The following DNAJC6 variants were observed in gnomAD, a reference collection of about 807,000 sequenced individuals.
DNAJC6 encodes the protein auxilin.
Under a neutral mutation model 110.0 loss-of-function variants are expected in DNAJC6, and 34 were observed. That is an observed-to-expected ratio of 0.31 (90% CI 0.24 to 0.41). DNAJC6 has a LOEUF of 0.41. Ranked by LOEUF, DNAJC6 falls within the 10% of genes least tolerant of loss-of-function variation. The pLI, the probability that DNAJC6 is intolerant of heterozygous loss-of-function variation, is 1.00. For synonymous variants in DNAJC6, 406 were observed against 437.2 expected (o/e 0.93, Z 0.89); for missense variants, 1,031 against 1,207.8 (o/e 0.85, Z 2.17).
intron 1 of DNAJC6, among the ~76,000 whole-genome samples, chr1:65,327,345 G>A (rs560547878): frequency 8.5e-5 from 13 of 152,178 alleles, no homozygotes; most frequent in East Asian, 3.9e-4. Context: ...ATAGTTACAC[G>A]GCTTCCCCAA....
chr1:65,411,576 T>C (rs1646129077), intron 18 of DNAJC6, 150 bp downstream of exon 18: 2 of 731,914 alleles, frequency 2.7e-6, no homozygotes, highest in South Asian at 4.5e-5. Flanking sequence ...AAACAAATAG[T>C]TATACTTTAT....
chr1:65,306,413 A>G (rs1282880896), upstream of DNAJC6: 1 of 152,162 alleles, frequency 6.6e-6, no homozygotes, highest in Non-Finnish European at 1.5e-5. Flanking sequence ...AAAATCCTAC[A>G]TAGGTCATGG....
At chr1:65,395,657 T>C (rs7556443) in intron 13 of DNAJC6, among the ~76,000 whole-genome samples, 27,277 of 152,074 alleles carry the variant, frequency 0.18, 5,446 homozygotes, top group East Asian at 0.58. Flanking sequence ...ATTAACATAA[T>C]ATATTGAACA....
At chr1:65,280,569 C>T (rs7547101) in intron 1 of DNAJC6, among the ~76,000 whole-genome samples, 8,414 of 152,186 alleles carry the variant, frequency 0.055, 357 homozygotes, top group East Asian at 0.17. Flanking sequence ...AGGACTCCTC[C>T]CTCCATTCCT....
At chr1:65,307,018 C>CTCTATATATATATA (rs1465563773), upstream of DNAJC6, among the ~76,000 whole-genome samples, 1 of 70,704 alleles carries the variant, frequency 1.4e-5, no homozygotes, top group African/African-American at 5.3e-5. Flanking sequence ...CTCTCTCTCT[C>CTCTATATATATATA]TATATATATA....
At chr1:65,329,138 T>C (rs1292505258) in intron 1 of DNAJC6, among the ~76,000 whole-genome samples, 1 of 152,186 alleles carries the variant, frequency 6.6e-6, no homozygotes. Flanking sequence ...TTTCCCACCT[T>C]GTGAGTGGCT....
chr1:65,272,895 A>T (rs1653553269), intron 1 of DNAJC6, among the ~76,000 whole-genome samples: 1 of 152,154 alleles, frequency 6.6e-6, no homozygotes, highest in South Asian at 2.1e-4. Context: ...GTGTGTTTTA[A>T]TAAATTCTGT....
At chr1:65,337,014 G>T (rs1023100977) in intron 1 of DNAJC6, among the ~76,000 whole-genome samples, 2 of 151,620 alleles carry the variant, frequency 1.3e-5, no homozygotes, top group South Asian at 2.1e-4. Flanking sequence ...TGTTGTTGTT[G>T]TTGTTGGGAA....
chr1:65,305,513 G>A (rs926977546), upstream of DNAJC6, among the ~76,000 whole-genome samples: 2 of 152,118 alleles, frequency 1.3e-5, no homozygotes, highest in Non-Finnish European at 2.9e-5. Flanking sequence ...ATCGGCTACA[G>A]CATATAGTTT....
At chr1:65,290,749 A>T (rs918299156) in intron 1 of DNAJC6, among the ~76,000 whole-genome samples, 1 of 152,324 alleles carries the variant, frequency 6.6e-6, no homozygotes, top group Admixed American at 6.5e-5. Context: ...GTATTGTTGT[A>T]AGCATCATGA....
intron 6 of DNAJC6, among the ~76,000 whole-genome samples, chr1:65,384,930 C>T (rs1348465434): frequency 6.6e-6 from 1 of 152,168 alleles, no homozygotes; most frequent in Non-Finnish European, 1.5e-5. Context: ...TACTTATATC[C>T]AACTTCCCTC....
intron 1 of DNAJC6, among the ~76,000 whole-genome samples, chr1:65,332,478 C>T (rs1431077423): frequency 6.6e-6 from 1 of 152,164 alleles, no homozygotes; most frequent in African/African-American, 2.4e-5. Context: ...TTGAGTCTTA[C>T]ATATTTTGGA....
At chr1:65,360,950 A>G (rs990708683) in intron 1 of DNAJC6, among the ~76,000 whole-genome samples, 4 of 152,138 alleles carry the variant, frequency 2.6e-5, no homozygotes, top group Non-Finnish European at 5.9e-5. Flanking sequence ...GGAATAGGAG[A>G]GAGGCAGTTG....
intron 6 of DNAJC6, among the ~76,000 whole-genome samples, chr1:65,384,961 G>A (rs1411959522): frequency 6.6e-6 from 1 of 152,220 alleles, no homozygotes; most frequent in Non-Finnish European, 1.5e-5. Flanking sequence ...TGAGGAAACT[G>A]GGACTCAAGA....
intron 15 of DNAJC6, among the ~76,000 whole-genome samples, chr1:65,403,792 A>T (rs1420265906): frequency 6.6e-6 from 1 of 152,154 alleles, no homozygotes; most frequent in African/African-American, 2.4e-5. Context: ...TGGGGAGAAA[A>T]TATTCTAGAA....
chr1:65,390,332 T>TA (rs1296683294), intron 11 of DNAJC6, among the ~76,000 whole-genome samples: 2 of 152,222 alleles, frequency 1.3e-5, no homozygotes, highest in Non-Finnish European at 2.9e-5. Context: ...CCTTAACCAC[T>TA]AGCAGGGCAG....
At chr1:65,309,535 G>T, upstream of DNAJC6, 1 of 793,326 alleles carries the variant, frequency 1.3e-6, no homozygotes, top group Non-Finnish European at 1.5e-6. Context: ...CCCTCCTCCC[G>T]GCGCCCCGAG....
At chr1:65,274,323 A>G (rs1415842268) in intron 1 of DNAJC6, among the ~76,000 whole-genome samples, 2 of 151,512 alleles carry the variant, frequency 1.3e-5, no homozygotes, top group Non-Finnish European at 2.9e-5. Flanking sequence ...TATTATTATT[A>G]TATATTTTTT....
intron 1 of DNAJC6, among the ~76,000 whole-genome samples, chr1:65,289,371 AT>A (rs1307737294): frequency 2.0e-5 from 3 of 151,916 alleles, no homozygotes; most frequent in South Asian, 4.1e-4. Flanking sequence ...AATCTTTTGT[AT>A]TTTTAGTAGA....
Sources: gnomAD v4.1 joint callset for allele counts (sites outside exome capture counted in the v4.1 genomes callset) on GRCh38, gnomAD v4.1.1 for gene constraint, MANE v1.5 for transcripts, NCBI Gene and HGNC (gene_info 2026-07-23, HGNC 2026-07-21) for gene names.